The following ANK3 variants were observed in gnomAD, a reference collection of about 807,000 sequenced individuals.
ANK3 encodes the protein ankyrin 3.
Under a neutral mutation model 370.9 loss-of-function variants are expected in ANK3, and 57 were observed. That is an observed-to-expected ratio of 0.15 (90% CI 0.12 to 0.19). The LOEUF (loss-of-function observed/expected upper bound fraction) is 0.19, where lower values mean the gene tolerates loss of function less well. Among genes scored for constraint, ANK3 ranks in the 10% least tolerant of loss-of-function variants. The pLI, the probability that ANK3 is intolerant of heterozygous loss-of-function variation, is 1.00. For synonymous variants in ANK3, 1,929 were observed against 1,946.3 expected (o/e 0.99, Z 0.23); for missense variants, 4,439 against 5,302.1 (o/e 0.84, Z 5.06).
intron 2 of ANK3, among the ~76,000 whole-genome samples, chr10:60,495,960 G>T (rs2075644319): frequency 6.6e-6 from 1 of 151,374 alleles, no homozygotes; most frequent in African/African-American, 2.4e-5. Flanking sequence ...CAGATTACTG[G>T]TGTGTGCATT....
chr10:60,326,565 C>A (rs965940986), intron 1 of ANK3, among the ~76,000 whole-genome samples: 10 of 152,110 alleles, frequency 6.6e-5, no homozygotes, highest in Non-Finnish European at 1.0e-4. Flanking sequence ...CCTCTCCCTC[C>A]TTTCAGTCAT....
intron 29 of ANK3, 34 bp from the exon 30 acceptor site, chr10:60,086,918 A>AAT: frequency 8.0e-7 from 1 of 1,244,406 alleles, no homozygotes; most frequent in Non-Finnish European, 1.0e-6. Flanking sequence ...AATGAAAGTG[A>AAT]CTTTTTTTTT....
rs534273845 is a variant in ANK3 at position 60,523,197 on chromosome 10, C to A, written c.96+91989G>T. ...AATTTTGAGAATAATATTTATGTAC[C>A]AAAAGTAGTTCGTCAGAGATACACA... On this transcript the variant is annotated intron_variant, in intron 2 of 43. Transcript: ENST00000373827. Among the ~76,000 whole-genome samples, 3 of 151,990 alleles carry A rather than the reference C, an allele frequency of 2.0e-5. No homozygotes were observed. The South Asian group carries it at 6.2e-4, about 32-fold the overall frequency.
chr10:60,470,301 C>T (rs148181465), intron 2 of ANK3, among the ~76,000 whole-genome samples: 2 of 152,156 alleles, frequency 1.3e-5, no homozygotes, highest in Admixed American at 1.3e-4. Context: ...TGTTCAATTG[C>T]ACAACTACAC....
chr10:60,166,518 T>C (rs2095628100), intron 23 of ANK3, 73 bp downstream of exon 23: 3 of 1,152,800 alleles, frequency 2.6e-6, no homozygotes, highest in South Asian at 2.7e-5. Context: ...GGAAATATTA[T>C]ATTTCAAAGA....
intron 39 of ANK3, 91 bp downstream of exon 39, chr10:60,064,066 C>T: frequency 8.1e-7 from 1 of 1,229,990 alleles, no homozygotes; most frequent in Non-Finnish European, 1.1e-6. Flanking sequence ...CAGAAAATTA[C>T]AACACTACTT....
At chr10:60,045,891 G>GT (rs2076873150) in intron 42 of ANK3, among the ~76,000 whole-genome samples, 1 of 149,502 alleles carries the variant, frequency 6.7e-6, no homozygotes, top group African/African-American at 2.5e-5. Flanking sequence ...GAACACTATT[G>GT]TTTTGCTAGC....
At chr10:60,693,379 G>A (rs1289116860) in intron 1 of ANK3, among the ~76,000 whole-genome samples, 2 of 152,246 alleles carry the variant, frequency 1.3e-5, no homozygotes, top group East Asian at 1.9e-4. Context: ...CTGGAAGCTC[G>A]AACTGGGTGG....
chr10:60,130,537 C>G (rs748161127), intron 25 of ANK3, among the ~76,000 whole-genome samples: 1 of 152,182 alleles, frequency 6.6e-6, no homozygotes, highest in African/African-American at 2.4e-5. Context: ...ATTCTAAATA[C>G]TGAAAACTTC....
chr10:60,093,183 TC>T (rs2089118782), intron 28 of ANK3, among the ~76,000 whole-genome samples: 2 of 152,218 alleles, frequency 1.3e-5, no homozygotes, highest in South Asian at 4.1e-4. Context: ...TATTTCCCTC[TC>T]CATGATTTGG....
intron 43 of ANK3, among the ~76,000 whole-genome samples, chr10:60,033,514 C>CAAAAAAA (rs537623584): frequency 2.0e-5 from 1 of 50,658 alleles, no homozygotes. Flanking sequence ...GACTCAGTCT[C>CAAAAAAA]AAAAAAAAAA....
At chr10:60,077,132 G>A (rs571325120) in intron 36 of ANK3, among the ~76,000 whole-genome samples, 13 of 152,146 alleles carry the variant, frequency 8.5e-5, no homozygotes, top group African/African-American at 2.4e-4. Context: ...TGCACAGTTC[G>A]GTTATGCTTT....
chr10:60,379,444 T>C (rs2061262367), intron 1 of ANK3, among the ~76,000 whole-genome samples: 1 of 152,066 alleles, frequency 6.6e-6, no homozygotes, highest in Non-Finnish European at 1.5e-5. Context: ...CGATTCACAA[T>C]AGCCAAGATA....
chr10:60,148,202 T>C (rs2094922755), intron 23 of ANK3, among the ~76,000 whole-genome samples: 1 of 152,120 alleles, frequency 6.6e-6, no homozygotes, highest in Admixed American at 6.5e-5. Flanking sequence ...CCATTATTCA[T>C]TCCACAGAAC....
intron 1 of ANK3, among the ~76,000 whole-genome samples, chr10:60,377,006 G>T (rs1234500053): frequency 6.6e-6 from 1 of 152,236 alleles, no homozygotes; most frequent in Admixed American, 6.5e-5. Flanking sequence ...TCAAAGGAAA[G>T]AAATTAATTA....
intron 17 of ANK3, among the ~76,000 whole-genome samples, chr10:60,183,497 C>A (rs1427239234): frequency 6.6e-6 from 1 of 152,146 alleles, no homozygotes; most frequent in Non-Finnish European, 1.5e-5. Context: ...AAGGTAACCA[C>A]AGCCCTGTTT....
At chr10:60,662,987 C>T (rs1346387769) in intron 1 of ANK3, among the ~76,000 whole-genome samples, 1 of 152,194 alleles carries the variant, frequency 6.6e-6, no homozygotes, top group Non-Finnish European at 1.5e-5. Context: ...CTTCAAAAGT[C>T]CTGAAGAGCA....
chr10:60,506,570 A>G (rs2133154228), intron 2 of ANK3, among the ~76,000 whole-genome samples: 1 of 152,252 alleles, frequency 6.6e-6, no homozygotes, highest in South Asian at 2.1e-4. Flanking sequence ...AAGGCTCTGG[A>G]TTTTAGCAGA....
At chr10:60,038,440 A>C (rs1385667961) in intron 43 of ANK3, among the ~76,000 whole-genome samples, 1 of 152,180 alleles carries the variant, frequency 6.6e-6, no homozygotes, top group South Asian at 2.1e-4. Flanking sequence ...TTCTTTGCCC[A>C]CTTGTTAATG....
Sources: allele counts gnomAD v4.1 joint callset (sites outside exome capture counted in the v4.1 genomes callset), GRCh38; gene constraint gnomAD v4.1.1; transcripts MANE v1.5; gene names NCBI Gene and HGNC (gene_info 2026-07-23, HGNC 2026-07-21).